TUT7: variants seen among roughly 807,000 people sequenced by gnomAD.
The protein encoded by TUT7 is terminal uridylyltransferase 7.
A neutral mutation model predicts 165.9 loss-of-function variants in TUT7; 33 were observed. The ratio of observed to expected loss-of-function variants is 0.20; its 90% CI spans 0.15 to 0.27. TUT7 has a LOEUF of 0.27. Ranked by LOEUF, TUT7 falls within the 10% of genes least tolerant of loss-of-function variation. The probability of loss-of-function intolerance (pLI) is 1.00; values close to 1 mark genes in which losing one functional copy is unlikely to be tolerated. For missense variants in TUT7, 1,338 were observed against 1,762.3 expected, an observed-to-expected ratio of 0.76 and a Z score of 4.31; for synonymous variants, 552 against 608.1, an observed-to-expected ratio of 0.91 and a Z score of 1.36.
intron 24 of TUT7, among the ~76,000 whole-genome samples, chr9:86,303,875 C>T (rs1827193430): frequency 6.6e-6 from 1 of 152,176 alleles, no homozygotes; most frequent in African/African-American, 2.4e-5. Context: ...GTAGAAGCCA[C>T]ATCAATATCT....
chr9:86,305,768 T>C (rs996450084), intron 22 of TUT7, among the ~76,000 whole-genome samples: 1 of 152,132 alleles, frequency 6.6e-6, no homozygotes. Flanking sequence ...CACACAGATA[T>C]ATACATCTGT....
chr9:86,309,619 C>T (rs1564041474), intron 19 of TUT7, 43 bp from the exon 20 acceptor site: 1 of 1,468,496 alleles, frequency 6.8e-7, no homozygotes. Flanking sequence ...GGTCTGTTTT[C>T]TGCTAACTTT....
intron 12 of TUT7, 133 bp downstream of exon 12, chr9:86,325,201 T>C (rs1829682627): frequency 2.6e-6 from 2 of 780,332 alleles, no homozygotes; most frequent in Non-Finnish European, 4.1e-6. Flanking sequence ...AGATTCTAAC[T>C]ATTTATTTCC....
At chr9:86,332,813 TTC>T (rs1163515773) in intron 10 of TUT7, among the ~76,000 whole-genome samples, 1 of 152,212 alleles carries the variant, frequency 6.6e-6, no homozygotes, top group Non-Finnish European at 1.5e-5. Context: ...TTTGAGTGTT[TTC>T]TGTTTGTCCA....
In TUT7 at chr9:86,294,364, C is replaced by A. The variant is rs547489246; in HGVS notation, c.4421-5620G>T. On this transcript the variant is annotated intron_variant, in intron 26 of 26. Coordinates refer to ENST00000375963, the MANE Select transcript of TUT7 (RefSeq NM_024617.4). ...GAATGTAAATGCCTCTAATAAAAAT[C>A]CAAATTTTTAGCTTTCATAAAATTA... is the stretch of plus-strand genomic sequence containing the variant. Among the ~76,000 whole-genome samples, 3 of 149,726 alleles carry A rather than the reference C, an allele frequency of 2.0e-5. No homozygotes were observed. The East Asian group carries it at 5.9e-4, about 30-fold the overall frequency.
At chr9:86,338,352 C>T (rs189113026) in intron 9 of TUT7, among the ~76,000 whole-genome samples, 38 of 152,040 alleles carry the variant, frequency 2.5e-4, no homozygotes, top group Non-Finnish European at 3.7e-4. Flanking sequence ...CTCAACCTCA[C>T]ATTTTGGGGG....
intron 24 of TUT7, among the ~76,000 whole-genome samples, chr9:86,304,306 T>TCCCTAGC (rs1371120130): frequency 2.6e-5 from 4 of 152,308 alleles, no homozygotes; most frequent in African/African-American, 9.6e-5. Context: ...GATCATCTAG[T>TCCCTAGC]CCCTAGCCAT....
At chr9:86,345,628 C>A in intron 4 of TUT7, 41 bp downstream of exon 4, 1 of 1,426,042 alleles carries the variant, frequency 7.0e-7, no homozygotes, top group Non-Finnish European at 9.9e-7. Flanking sequence ...GTAATAACAA[C>A]TAACAAGTAA....
At position 86,329,543 on chromosome 9, in the gene TUT7, A is replaced by G. The variant is rs938291583; in HGVS notation, c.1456-1051T>C. ...CATCTCAAAAAAAAAAAAACAAAAC[A>G]AAAAACAAACAAAAACAGGTTAATG... On this transcript the variant is annotated intron_variant, in intron 10 of 26. Transcript: ENST00000375963. Among the ~76,000 whole-genome samples the G allele has an allele frequency of 3.3e-5, 5 of 151,938 alleles. 1 individual carries two copies. Among genetic ancestry groups the G allele is most frequent in the Admixed American group, 3.3e-4 (5 of 15,260 alleles).
At chr9:86,303,341 T>C (rs1191283902) in intron 24 of TUT7, 140 bp from the exon 25 acceptor site, 1 of 494,852 alleles carries the variant, frequency 2.0e-6, no homozygotes, top group African/African-American at 2.0e-5. Context: ...TACTGCTTAA[T>C]TCCAAACAAA....
intron 9 of TUT7, among the ~76,000 whole-genome samples, chr9:86,337,836 CATTT>C (rs200640653): frequency 1.3e-3 from 200 of 152,308 alleles, no homozygotes; most frequent in African/African-American, 4.3e-3. Flanking sequence ...TCAATTCATT[CATTT>C]GTTTAGAATA....
chr9:86,292,698 C>G (rs1450501761), intron 26 of TUT7, among the ~76,000 whole-genome samples: 6 of 151,424 alleles, frequency 4.0e-5, no homozygotes, highest in Admixed American at 1.3e-4. Flanking sequence ...TTCTTGAGCC[C>G]AGGAGTTCGA....
chr9:86,319,116 C>A, intron 15 of TUT7, 58 bp from the exon 16 acceptor site: 1 of 1,221,350 alleles, frequency 8.2e-7, no homozygotes, highest in South Asian at 1.3e-5. Flanking sequence ...AATTTTTGAT[C>A]AAAATGGCCC....
In TUT7 at chr9:86,301,502, G is replaced by A. The variant is rs906137874; in HGVS notation, c.4194C>T (p.Tyr1398=). ...SKEDKEIHNK[Y]TEREVSTKED... is the part of the protein sequence containing the mutation. Reference sequence around the variant, plus strand: ...CTTTTGTTGACACCTCCCTTTCTGTGTACTTGTTGTGAATTTCTTTGTCCT... The same window carrying A: ...CTTTTGTTGACACCTCCCTTTCTGTATACTTGTTGTGAATTTCTTTGTCCT... The change falls in exon 26 of 27, where the codon TAC becomes TAT. Residue 1398 remains tyrosine (Y), a synonymous_variant. Coordinates refer to ENST00000375963, the MANE Select transcript of TUT7 (RefSeq NM_024617.4). 6.2e-7 allele frequency: 1 copy of A among 1,613,896 alleles called. No individual in the cohort carries two copies. The highest frequency in any genetic ancestry group is 8.5e-7 in the Non-Finnish European group (1 of 1,180,000).
chr9:86,339,386 T>C (rs1831126558), intron 8 of TUT7, among the ~76,000 whole-genome samples: 1 of 151,978 alleles, frequency 6.6e-6, no homozygotes, highest in Non-Finnish European at 1.5e-5. Context: ...GGCGTGGTGG[T>C]GGGCACCTGT....
chr9:86,326,226 A>AAG (rs912097971), intron 11 of TUT7: 1 of 152,352 alleles, frequency 6.6e-6, no homozygotes, highest in African/African-American at 2.4e-5. Context: ...CACAGTGGCT[A>AAG]AGAGAACAGG....
At chr9:86,347,644 C>A (rs967019483) in intron 2 of TUT7, among the ~76,000 whole-genome samples, 3 of 151,994 alleles carry the variant, frequency 2.0e-5, no homozygotes, top group African/African-American at 7.2e-5. Context: ...CAAAATTCTG[C>A]AAACACCTTC....
chr9:86,347,850 CTTT>C (rs1160774262), intron 2 of TUT7, among the ~76,000 whole-genome samples: 2 of 151,936 alleles, frequency 1.3e-5, no homozygotes, highest in Admixed American at 6.6e-5. Context: ...TTATCATAAT[CTTT>C]TAAGGCCAGT....
intron 14 of TUT7, 81 bp from the exon 15 acceptor site, chr9:86,319,751 G>A (rs1829061752): frequency 1.1e-6 from 1 of 948,210 alleles, no homozygotes; most frequent in South Asian, 1.6e-5. Context: ...TTATTTTTTA[G>A]AAAATAAAAC....
Sources: gnomAD v4.1 joint callset for allele counts (sites outside exome capture counted in the v4.1 genomes callset) on GRCh38, gnomAD v4.1.1 for gene constraint, MANE v1.5 for transcripts, NCBI Gene and HGNC (gene_info 2026-07-23, HGNC 2026-07-21) for gene names.